Variants in RPS6KA2 observed in about 807,000 individuals in gnomAD.
The protein encoded by RPS6KA2 is ribosomal protein S6 kinase alpha-2.
A neutral mutation model predicts 91.8 loss-of-function variants in RPS6KA2; 42 were observed. That is an observed-to-expected ratio of 0.46 (90% CI 0.36 to 0.59). The LOEUF (loss-of-function observed/expected upper bound fraction) is 0.59, where lower values mean the gene tolerates loss of function less well. Among genes scored for constraint, RPS6KA2 ranks in the 20% least tolerant of loss-of-function variants. The probability of loss-of-function intolerance (pLI) is 0.00; values close to 1 mark genes in which losing one functional copy is unlikely to be tolerated. For synonymous variants in RPS6KA2, 414 were observed against 393.6 expected, an observed-to-expected ratio of 1.05 and a Z score of -0.61; for missense variants, 798 against 978.5, an observed-to-expected ratio of 0.82 and a Z score of 2.46.
intron 19 of RPS6KA2, among the ~76,000 whole-genome samples, chr6:166,416,398 G>C (rs1778523666): frequency 6.8e-6 from 1 of 147,810 alleles, no homozygotes; most frequent in South Asian, 2.2e-4. Flanking sequence ...ACCCTCATTA[G>C]CCTCACCATC....
Position 166,419,923 on chromosome 6 carries a change from G to A in RPS6KA2, c.1779C>T (p.Asp593=). 2 of 1,613,970 alleles carry A rather than the reference G, an allele frequency of 1.2e-6. No individual in the cohort carries two copies. The highest frequency in any genetic ancestry group is 1.7e-6 in the Non-Finnish European group (2 of 1,179,890). ...ACAACAGGATCCCCAAACTCCAGATGTCACACGCCGCATCATAGCCTTGAC... is the reference window on the plus strand; with the variant it reads ...ACAACAGGATCCCCAAACTCCAGATATCACACGCCGCATCATAGCCTTGAC... ...LKRQGYDAAC[D]IWSLGILLYT... Residue 593 remains aspartate (D), a synonymous_variant, in exon 18 of 21, where the codon GAC becomes GAT. Coordinates refer to ENST00000265678, the MANE Select transcript of RPS6KA2 (RefSeq NM_021135.6). The surrounding 1 kb of genome is among the most constrained non-coding windows in gnomAD (Gnocchi z 5.6).
chr6:166,511,299 T>A (rs1238295926), intron 3 of RPS6KA2, among the ~76,000 whole-genome samples: 1 of 152,204 alleles, frequency 6.6e-6, no homozygotes, highest in Non-Finnish European at 1.5e-5. Context: ...GATCCCTGCC[T>A]GAATCATTCA....
intron 2 of RPS6KA2, among the ~76,000 whole-genome samples, chr6:166,841,362 C>T (rs746371520): frequency 6.6e-6 from 1 of 152,274 alleles, no homozygotes; most frequent in African/African-American, 2.4e-5. Context: ...AGCGCTGACG[C>T]GTGCTTCTTG....
intron 1 of RPS6KA2, among the ~76,000 whole-genome samples, chr6:166,625,361 T>G (rs1786834513): frequency 1.9e-5 from 2 of 107,274 alleles, no homozygotes. Flanking sequence ...CCCACTGTAT[T>G]CTTTCCGGAG....
At chr6:166,536,537 A>G (rs2128493826) in intron 2 of RPS6KA2, among the ~76,000 whole-genome samples, 1 of 152,300 alleles carries the variant, frequency 6.6e-6, no homozygotes, top group Non-Finnish European at 1.5e-5. Context: ...TATTAGCTCC[A>G]ACCTTCCCTG....
intron 3 of RPS6KA2, among the ~76,000 whole-genome samples, chr6:166,529,023 A>C (rs1198833418): frequency 6.6e-6 from 1 of 152,338 alleles, no homozygotes; most frequent in South Asian, 2.1e-4. Flanking sequence ...CGATTCCTCA[A>C]GGATCTAGAA....
chr6:166,510,554 C>CATATATATATATATATATAT (rs58712416), intron 3 of RPS6KA2, among the ~76,000 whole-genome samples, 197 bp from the exon 4 acceptor site: 1 of 78,796 alleles, frequency 1.3e-5, no homozygotes, highest in Non-Finnish European at 2.5e-5. Flanking sequence ...TTCTCTCTCT[C>CATATATATATATATATATAT]ATATATATAT....
intron 2 of RPS6KA2, among the ~76,000 whole-genome samples, chr6:166,679,463 C>CAAT (rs532173335): frequency 5.5e-4 from 83 of 151,668 alleles, no homozygotes; most frequent in East Asian, 3.5e-3. Context: ...GACTCCATCT[C>CAAT]AATAATAATA....
intron 2 of RPS6KA2, chr6:166,701,013 A>C (rs1469465375): frequency 1.7e-5 from 18 of 1,081,748 alleles, no homozygotes; most frequent in Non-Finnish European, 2.6e-5. Flanking sequence ...GATTCTGGAT[A>C]GGGGGTCAGC....
intron 1 of RPS6KA2, among the ~76,000 whole-genome samples, chr6:166,625,422 T>A (rs1302016587): frequency 1.4e-5 from 2 of 145,798 alleles, no homozygotes; most frequent in Admixed American, 1.4e-4. Flanking sequence ...ACCAGAGGCG[T>A]GTGTATCCAG....
chr6:166,429,361 A>G (rs1245991837), intron 16 of RPS6KA2, among the ~76,000 whole-genome samples: 1 of 151,834 alleles, frequency 6.6e-6, no homozygotes, highest in Non-Finnish European at 1.5e-5. Context: ...TGGGTGCAGC[A>G]CACCAGCATG....
In RPS6KA2 at chr6:166,437,029, A is replaced by AT. The variant is rs1401518659; in HGVS notation, c.1333-4540_1333-4539insA. On this transcript the variant is annotated intron_variant, in intron 14 of 20. Transcript: ENST00000265678. The surrounding 1 kb of genome is among the most constrained non-coding windows in gnomAD (Gnocchi z 4.3). ...TCCCTGTAACTTTTTCTGAAAAAAA[A>AT]ATTTTTTTTTTTTGCTTTTGTTTTT... Among the ~76,000 whole-genome samples the AT allele has an allele frequency of 2.7e-5, 4 of 150,732 alleles. No individual in the cohort carries two copies. Among genetic ancestry groups the AT allele is most frequent in the African/African-American group, 1.0e-4 (4 of 40,116 alleles).
At chr6:166,668,142 C>A (rs936538595) in intron 2 of RPS6KA2, among the ~76,000 whole-genome samples, 6 of 152,180 alleles carry the variant, frequency 3.9e-5, no homozygotes, top group Non-Finnish European at 5.9e-5. Context: ...AACAGGACTG[C>A]AATGCCACCG....
At chr6:166,556,135 T>C (rs1784171546) in intron 1 of RPS6KA2, among the ~76,000 whole-genome samples, 1 of 152,214 alleles carries the variant, frequency 6.6e-6, no homozygotes, top group African/African-American at 2.4e-5. Context: ...AATAGCCTGT[T>C]CCTGGACCCT....
chr6:166,505,146 T>C (rs1782153183), intron 5 of RPS6KA2, among the ~76,000 whole-genome samples: 1 of 151,914 alleles, frequency 6.6e-6, no homozygotes, highest in East Asian at 1.9e-4. Context: ...CTACCAAAGA[T>C]CACCCACAGG....
At chr6:166,847,665 C>T (rs1451378520) in intron 2 of RPS6KA2, among the ~76,000 whole-genome samples, 4 of 152,066 alleles carry the variant, frequency 2.6e-5, no homozygotes, top group African/African-American at 9.7e-5. Flanking sequence ...AGGGAAAGGA[C>T]ACCCTATTCA....
intron 1 of RPS6KA2, among the ~76,000 whole-genome samples, chr6:166,592,096 G>A (rs74459539): frequency 2.8e-4 from 43 of 152,366 alleles, no homozygotes; most frequent in African/African-American, 1.0e-3. Flanking sequence ...TGAAAAGTGG[G>A]CAAGAGATGG....
chr6:166,841,481 A>G (rs1020445498), intron 2 of RPS6KA2, among the ~76,000 whole-genome samples: 1 of 152,268 alleles, frequency 6.6e-6, no homozygotes, highest in Non-Finnish European at 1.5e-5. Context: ...TGTCAGAAGA[A>G]TACTGTATGT....
In RPS6KA2 at chr6:166,563,387, G is replaced by A. The variant is rs867382131; in HGVS notation, c.100-24603C>T. Among the ~76,000 whole-genome samples, 2 of 152,152 alleles carry A rather than the reference G, an allele frequency of 1.3e-5. No individual in the cohort carries two copies. Among genetic ancestry groups the A allele is most frequent in the Non-Finnish European group, 2.9e-5 (2 of 68,008 alleles). ...CCCGGCTTTTCCTCCCAGTCTCCTG[G>A]GCTCGCCGCCAGCGGTGGGATCCCT... On this transcript the variant is annotated intron_variant, in intron 1 of 20. Transcript: ENST00000265678. The surrounding 1 kb of genome is among the most constrained non-coding windows in gnomAD (Gnocchi z 4.1).
Sources: allele counts gnomAD v4.1 joint callset (sites outside exome capture counted in the v4.1 genomes callset), GRCh38; gene constraint gnomAD v4.1.1; non-coding constraint Gnocchi (gnomAD v3.1); transcripts MANE v1.5; gene names NCBI Gene and HGNC (gene_info 2026-07-23, HGNC 2026-07-21).